TCEANC2: variants seen among roughly 807,000 people sequenced by gnomAD.
The protein encoded by TCEANC2 is transcription elongation factor A N-terminal and central domain-containing protein 2.
Under a neutral mutation model 22.8 loss-of-function variants are expected in TCEANC2, and 20 were observed. The ratio of observed to expected loss-of-function variants is 0.88; its 90% CI spans 0.62 to 1.28. The LOEUF (loss-of-function observed/expected upper bound fraction) is 1.28. Among genes scored for constraint, TCEANC2 ranks in the 50% most tolerant of loss-of-function variants. TCEANC2 has a pLI of 0.00. For synonymous variants in TCEANC2, 84 were observed against 95.5 expected, an observed-to-expected ratio of 0.88 and a Z score of 0.70; for missense variants, 251 against 249.7, an observed-to-expected ratio of 1.01 and a Z score of -0.03.
At chr1:54,063,690 C>A (rs997305244) in intron 2 of TCEANC2, among the ~76,000 whole-genome samples, 1 of 152,080 alleles carries the variant, frequency 6.6e-6, no homozygotes, top group Non-Finnish European at 1.5e-5. Context: ...ATGCAAATAT[C>A]GAAAAATCCC....
Position 54,054,361 on chromosome 1 carries a change from C to T in TCEANC2, c.-42-20C>T, listed in dbSNP as rs113288810. Reference sequence around the variant, plus strand: ...GCAGTCTTTAGTGGGGTTTTAGAATCTGCCCTCTTTCTTGACCAGAACACG... The same window carrying T: ...GCAGTCTTTAGTGGGGTTTTAGAATTTGCCCTCTTTCTTGACCAGAACACG... On this transcript the variant is annotated intron_variant, in intron 1 of 4. Coordinates refer to ENST00000234827, the MANE Select transcript of TCEANC2 (RefSeq NM_153035.3). The T allele has an allele frequency of 4.1e-5, 65 of 1,602,174 alleles. 1 individual carries two copies. The African/African-American group carries it at 6.8e-4, about 17-fold the overall frequency.
chr1:54,055,379 T>C (rs1420407012), intron 2 of TCEANC2, among the ~76,000 whole-genome samples: 1 of 152,250 alleles, frequency 6.6e-6, no homozygotes, highest in East Asian at 1.9e-4. Context: ...CAATAAATGC[T>C]AAAGTAATTA....
In TCEANC2 at chr1:54,100,204, C is replaced by T. The variant is rs1658635510; in HGVS notation, c.*3731C>T. ...AGTGAGCTGAGATGGCGCCATTGCA[C>T]TCCAGCCTGGGCGACAGAGCAAGAC... On this transcript the variant is annotated 3_prime_UTR_variant, in exon 5 of 5. Transcript: ENST00000234827. The T allele has an allele frequency of 6.6e-6, 1 of 152,342 alleles. No individual in the cohort carries two copies. The highest frequency in any genetic ancestry group is 6.5e-5 in the Admixed American group (1 of 15,296). The allele number at this position is 152,342 out of a possible 1,614,324, so 9.4% of individuals were successfully genotyped here.
Position 54,102,187 on chromosome 1 carries a change from G to A in TCEANC2, c.*5714G>A, listed in dbSNP as rs1362077861. On this transcript the variant is annotated 3_prime_UTR_variant, in exon 5 of 5. Coordinates refer to ENST00000234827, the MANE Select transcript of TCEANC2 (RefSeq NM_153035.3). ...TGTGTTTTGATTGGGGCCCAGAGCAGGAAAGGGCTCAGCAGAAGCTCCAGG... is the reference window on the plus strand; with the variant it reads ...TGTGTTTTGATTGGGGCCCAGAGCAAGAAAGGGCTCAGCAGAAGCTCCAGG... 3.3e-5 allele frequency: 5 copies of A among 152,258 alleles called. No individual in the cohort carries two copies. The highest frequency in any genetic ancestry group is 7.3e-5 in the Non-Finnish European group (5 of 68,072). The allele number at this position is 152,258 out of a possible 1,614,324, so 9.4% of individuals were successfully genotyped here.
At position 54,096,021 on chromosome 1, in the gene TCEANC2, C is replaced by T. The variant is rs1468869154; in HGVS notation, c.439-264C>T. Among the ~76,000 whole-genome samples, 2 of 152,140 alleles carry T rather than the reference C, an allele frequency of 1.3e-5. No homozygotes were observed. Among genetic ancestry groups the T allele is most frequent in the African/African-American group, 2.4e-5 (1 of 41,426 alleles). On this transcript the variant is annotated intron_variant, in intron 4 of 4. Coordinates refer to ENST00000234827, the MANE Select transcript of TCEANC2 (RefSeq NM_153035.3). The surrounding 1 kb of genome is among the most constrained non-coding windows in gnomAD (Gnocchi z 4.9). ...TTGGTAAAGTACAGGGCCCAGTACCCGTTGCTTAGTTCAGGCCAGTTTCCT... is the reference window on the plus strand; with the variant it reads ...TTGGTAAAGTACAGGGCCCAGTACCTGTTGCTTAGTTCAGGCCAGTTTCCT...
chr1:54,079,853 T>C (rs2100372784), intron 3 of TCEANC2, among the ~76,000 whole-genome samples: 1 of 152,366 alleles, frequency 6.6e-6, no homozygotes, highest in South Asian at 2.1e-4. Flanking sequence ...AATTATGCTA[T>C]GTGTTTCAGG....
chr1:54,057,957 G>A (rs143998585), intron 2 of TCEANC2, among the ~76,000 whole-genome samples: 22 of 152,284 alleles, frequency 1.4e-4, no homozygotes, highest in African/African-American at 5.1e-4. Flanking sequence ...GCAATATAAT[G>A]CAATAATTAA....
intron 3 of TCEANC2, among the ~76,000 whole-genome samples, chr1:54,069,099 A>C (rs1035298427): frequency 6.6e-6 from 1 of 152,218 alleles, no homozygotes; most frequent in African/African-American, 2.4e-5. Flanking sequence ...CAGAAAAATG[A>C]AATATACAAA....
chr1:54,104,378 T>A lies in TCEANC2; in HGVS notation c.*7905T>A. On this transcript the variant is annotated 3_prime_UTR_variant, in exon 5 of 5. Transcript: ENST00000234827. The stretch of plus-strand genomic sequence containing the variant: ...TGCACCCGGGCACTTGAGCTCCTCA[T>A]ATCAGGAGACTACTAGGCAAGAACA... The A allele has an allele frequency of 3.6e-6, 1 of 280,922 alleles. No individual in the cohort carries two copies. Among genetic ancestry groups the A allele is most frequent in the South Asian group, 3.5e-5 (1 of 28,380 alleles). 17.4% of individuals were successfully genotyped at this position (280,922 alleles called of 1,614,324 possible). A position where few individuals can be genotyped will look rare whatever the true frequency, so the allele number is the denominator to read the frequency against.
intron 4 of TCEANC2, among the ~76,000 whole-genome samples, chr1:54,092,929 G>A (rs1457945478): frequency 1.3e-5 from 2 of 152,188 alleles, no homozygotes; most frequent in Non-Finnish European, 2.9e-5. Context: ...CTGACTCTCT[G>A]TCTCTGGGAA....
At chr1:54,110,188 G>C (rs141520511), downstream of TCEANC2, among the ~76,000 whole-genome samples, 3 of 152,268 alleles carry the variant, frequency 2.0e-5, no homozygotes, top group East Asian at 5.8e-4. Flanking sequence ...CCTTATGCCT[G>C]ACCCTCTTAC....
At chr1:54,074,506 A>G (rs1658112383) in intron 3 of TCEANC2, among the ~76,000 whole-genome samples, 1 of 152,192 alleles carries the variant, frequency 6.6e-6, no homozygotes, top group Non-Finnish European at 1.5e-5. Context: ...GGATGAGTTT[A>G]TAAGTTAAGA....
At chr1:54,084,338 G>A in intron 3 of TCEANC2, among the ~76,000 whole-genome samples, 1 of 152,202 alleles carries the variant, frequency 6.6e-6, no homozygotes, top group South Asian at 2.1e-4. Flanking sequence ...TGGCTGCAAA[G>A]TAGTTATTGT....
rs1037850233 is a variant in TCEANC2, at chr1:54,100,854, A to T, written c.*4381A>T. The T allele has an allele frequency of 2.6e-5, 4 of 151,934 alleles. No homozygotes were observed. Among genetic ancestry groups the T allele is most frequent in the African/African-American group, 9.7e-5 (4 of 41,182 alleles). The allele number at this position is 151,934 out of a possible 1,614,324, so 9.4% of individuals were successfully genotyped here. ...CAGATGTGTGTTTTAAAAAGATTTA[A>T]AAAACAAAAACAAAAACAGATATTT... On this transcript the variant is annotated 3_prime_UTR_variant, in exon 5 of 5. Coordinates refer to ENST00000234827, the MANE Select transcript of TCEANC2 (RefSeq NM_153035.3).
chr1:54,056,352 C>T (rs1042063877), intron 2 of TCEANC2, among the ~76,000 whole-genome samples: 12 of 151,666 alleles, frequency 7.9e-5, no homozygotes, highest in East Asian at 3.9e-4. Context: ...ACTGTCGCCC[C>T]GGCTGGAGGG....
In TCEANC2 at chr1:54,054,401, A is replaced by C; in HGVS notation, c.-22A>C. The C allele has an allele frequency of 6.2e-7, 1 of 1,613,918 alleles. No individual in the cohort carries two copies. The highest frequency in any genetic ancestry group is 8.5e-7 in the Non-Finnish European group (1 of 1,179,936). Reference sequence around the variant, plus strand: ...ACCAGAACACGCTGCAAGCACGTCAAGGTAGTCGGAGTCCCCTAACAATGG... The same window carrying C: ...ACCAGAACACGCTGCAAGCACGTCACGGTAGTCGGAGTCCCCTAACAATGG... On this transcript the variant is annotated 5_prime_UTR_variant, in exon 2 of 5. Transcript: ENST00000234827.
chr1:54,091,657 G>A (rs1029586996), intron 4 of TCEANC2, among the ~76,000 whole-genome samples: 1 of 152,022 alleles, frequency 6.6e-6, no homozygotes, highest in Non-Finnish European at 1.5e-5. Context: ...TTATTTCCTT[G>A]TTCTTGGAAT....
intron 4 of TCEANC2, chr1:54,089,854 C>G (rs531798823): frequency 5.0e-5 from 28 of 564,592 alleles, no homozygotes; most frequent in Admixed American, 4.9e-4. Context: ...TTCACCTTCA[C>G]CATGTTCCTC....
chr1:54,108,504 G>A (rs945982348), downstream of TCEANC2, among the ~76,000 whole-genome samples: 1 of 152,156 alleles, frequency 6.6e-6, no homozygotes, highest in Non-Finnish European at 1.5e-5. Context: ...CAAGAATGTG[G>A]CCACCTACAA....
Sources: gnomAD v4.1 joint callset for allele counts (sites outside exome capture counted in the v4.1 genomes callset) on GRCh38, gnomAD v4.1.1 for gene constraint, Gnocchi (gnomAD v3.1) non-coding constraint, MANE v1.5 for transcripts, NCBI Gene and HGNC (gene_info 2026-07-23, HGNC 2026-07-21) for gene names.